MPHOSPH9: variants seen among roughly 807,000 people sequenced by gnomAD.
MPHOSPH9 encodes the protein M-phase phosphoprotein 9.
A neutral mutation model predicts 145.5 loss-of-function variants in MPHOSPH9; 88 were observed. The ratio of observed to expected loss-of-function variants is 0.60; its 90% CI spans 0.51 to 0.72. The LOEUF is 0.72. Ranked by LOEUF, MPHOSPH9 falls within the 30% of genes least tolerant of loss-of-function variation. The probability of loss-of-function intolerance (pLI) is 0.00; values close to 1 mark genes in which losing one functional copy is unlikely to be tolerated. For synonymous variants in MPHOSPH9, 435 were observed against 486.2 expected (o/e 0.89, Z 1.39); for missense variants, 1,238 against 1,386.6 (o/e 0.89, Z 1.70).
chr12:123,194,044 G>A (rs1010383236), intron 13 of MPHOSPH9, among the ~76,000 whole-genome samples: 25 of 151,888 alleles, frequency 1.6e-4, no homozygotes, highest in East Asian at 5.8e-4. Flanking sequence ...TGAGGCGGGC[G>A]GATCACCTGA....
chr12:123,219,305 C>CT (rs1205061845), intron 5 of MPHOSPH9, among the ~76,000 whole-genome samples: 23 of 151,636 alleles, frequency 1.5e-4, no homozygotes, highest in Non-Finnish European at 4.4e-5. Context: ...AACAAAAAGA[C>CT]TAACAGTGAC....
rs1157701739 is a variant in MPHOSPH9 at position 123,226,401 on chromosome 12, A to G, written c.258+1062T>C. The G allele has an allele frequency of 6.1e-6, 5 of 826,434 alleles. No individual in the cohort carries two copies. The South Asian group carries it at 8.1e-5, about 13-fold the overall frequency. 51.2% of individuals were successfully genotyped at this position (826,434 alleles called of 1,614,324 possible). ...TCTAAAAGTACAATTAACGTTTAAAACAAGATCTAGTGCTTTCTAAGAATT... is the reference window on the plus strand; with the variant it reads ...TCTAAAAGTACAATTAACGTTTAAAGCAAGATCTAGTGCTTTCTAAGAATT... On this transcript the variant is annotated intron_variant, in intron 3 of 23. Coordinates refer to ENST00000606320, the MANE Select transcript of MPHOSPH9 (RefSeq NM_022782.4).
In MPHOSPH9 at chr12:123,176,798, A is replaced by G; in HGVS notation, c.2355-9T>C. 1 of 1,579,206 alleles carries G rather than the reference A, an allele frequency of 6.3e-7. No homozygotes were observed. The highest frequency in any genetic ancestry group is 8.7e-7 in the Non-Finnish European group (1 of 1,149,058). ...CAAGTTTTGAAATCATTCTAATTCA[A>G]AAGCAATAAAGATAAATTAAGTACA... On this transcript the variant is annotated splice_polypyrimidine_tract_variant and intron_variant, in intron 15 of 23. Coordinates refer to ENST00000606320, the MANE Select transcript of MPHOSPH9 (RefSeq NM_022782.4).
intron 3 of MPHOSPH9, chr12:123,226,414 CT>C: frequency 1.5e-6 from 1 of 649,556 alleles, no homozygotes; most frequent in East Asian, 8.5e-5. Flanking sequence ...AGATCTAGTG[CT>C]TTCTAAGAAT....
At chr12:123,214,716 A>T in intron 7 of MPHOSPH9, 28 bp downstream of exon 7, 1 of 1,460,210 alleles carries the variant, frequency 6.8e-7, no homozygotes, top group Non-Finnish European at 9.4e-7. Flanking sequence ...AGTTTAGGTT[A>T]AAAAAAATAA....
At chr12:123,171,000 G>A (rs1369668049) in intron 16 of MPHOSPH9, among the ~76,000 whole-genome samples, 1 of 152,170 alleles carries the variant, frequency 6.6e-6, no homozygotes, top group East Asian at 1.9e-4. Flanking sequence ...CAATTAACAT[G>A]TTCTCATTTT....
At chr12:123,181,586 G>A (rs141161760) in intron 13 of MPHOSPH9, among the ~76,000 whole-genome samples, 15 of 151,772 alleles carry the variant, frequency 9.9e-5, no homozygotes, top group African/African-American at 3.1e-4. Flanking sequence ...AGCTGGGCTC[G>A]GTGGCTCACG....
chr12:123,239,459 A>G (rs1295601931), intron 1 of MPHOSPH9, among the ~76,000 whole-genome samples: 4 of 151,784 alleles, frequency 2.6e-5, no homozygotes, highest in African/African-American at 7.3e-5. Context: ...CTAGAGTGCA[A>G]TGGCGCAATC....
At chr12:123,166,869 C>T (rs2044343717) in intron 16 of MPHOSPH9, 80 bp from the exon 17 acceptor site, 2 of 1,428,662 alleles carry the variant, frequency 1.4e-6, no homozygotes, top group African/African-American at 2.9e-5. Context: ...ACAATCTGCT[C>T]TCAAACAGTA....
intron 19 of MPHOSPH9, 146 bp downstream of exon 19, chr12:123,163,804 T>A (rs1593065379): frequency 1.0e-5 from 8 of 767,086 alleles, no homozygotes; most frequent in Non-Finnish European, 1.4e-5. Flanking sequence ...ATGAACAAGA[T>A]CTTATTTAGG....
chr12:123,235,790 G>A (rs1234387367), upstream of MPHOSPH9, among the ~76,000 whole-genome samples: 4 of 152,138 alleles, frequency 2.6e-5, no homozygotes, highest in African/African-American at 4.8e-5. Context: ...TTGGCCGGGC[G>A]TGGTGGCTCA....
At chr12:123,202,420 T>C (rs899852847) in intron 10 of MPHOSPH9, 101 bp from the exon 11 acceptor site, 16 of 1,306,792 alleles carry the variant, frequency 1.2e-5, no homozygotes, top group African/African-American at 4.4e-5. Flanking sequence ...GGCAAAAATA[T>C]AGCATATTTC....
downstream of MPHOSPH9, among the ~76,000 whole-genome samples, chr12:123,153,764 C>CAAAAAAA (rs57564688): frequency 1.2e-4 from 13 of 109,300 alleles, no homozygotes; most frequent in African/African-American, 2.4e-4. Context: ...GACTCCATCT[C>CAAAAAAA]AAAAAAAAAA....
At chr12:123,202,462 C>T (rs899399211) in intron 10 of MPHOSPH9, 143 bp from the exon 11 acceptor site, 7 of 1,186,780 alleles carry the variant, frequency 5.9e-6, no homozygotes, top group Non-Finnish European at 4.6e-6. Flanking sequence ...TAGATTAATA[C>T]ACAAAAAGTT....
intron 6 of MPHOSPH9, among the ~76,000 whole-genome samples, chr12:123,215,196 C>CT (rs1459246538): frequency 4.0e-5 from 6 of 151,878 alleles, no homozygotes; most frequent in Non-Finnish European, 5.9e-5. Context: ...AAGCCGAGAT[C>CT]GTGCCACTGC....
chr12:123,197,791 A>G (rs1487828841), intron 12 of MPHOSPH9, among the ~76,000 whole-genome samples: 4 of 119,194 alleles, frequency 3.4e-5, no homozygotes, highest in African/African-American at 6.4e-5. Context: ...CAAAAAAAAG[A>G]AAAAAAAAAA....
chr12:123,237,847 C>G (rs1420087800), upstream of MPHOSPH9, among the ~76,000 whole-genome samples: 1 of 152,132 alleles, frequency 6.6e-6, no homozygotes, highest in East Asian at 1.9e-4. Flanking sequence ...ATGTGAAAGA[C>G]AGGGAAATGC....
At chr12:123,221,092 G>C (rs2047181846) in intron 5 of MPHOSPH9, among the ~76,000 whole-genome samples, 1 of 152,204 alleles carries the variant, frequency 6.6e-6, no homozygotes, top group African/African-American at 2.4e-5. Context: ...ACATGAACAT[G>C]TATGACAAAC....
intron 1 of MPHOSPH9, chr12:123,240,434 T>G (rs2047914823): frequency 6.6e-6 from 1 of 152,112 alleles, no homozygotes; most frequent in South Asian, 2.1e-4. Flanking sequence ...TCCCAGGTGA[T>G]TTGTATGCAC....
Sources: allele counts gnomAD v4.1 joint callset (sites outside exome capture counted in the v4.1 genomes callset), GRCh38; gene constraint gnomAD v4.1.1; transcripts MANE v1.5; gene names NCBI Gene and HGNC (gene_info 2026-07-23, HGNC 2026-07-21).